Variants in ENDOD1 observed in about 807,000 individuals in gnomAD.
ENDOD1 encodes the protein endonuclease domain containing 1.
A neutral mutation model predicts 6.5 loss-of-function variants in ENDOD1; 9 were observed. The observed-to-expected ratio is 1.39, with a 90% CI of 0.84 to 2.43. ENDOD1 has a LOEUF of 2.43. Ranked by LOEUF, ENDOD1 falls within the 30% of genes most tolerant of loss-of-function variation. ENDOD1 has a pLI of 0.00. For missense variants in ENDOD1, 648 were observed against 635.5 expected, an observed-to-expected ratio of 1.02 and a Z score of -0.21; for synonymous variants, 255 against 255.2, an observed-to-expected ratio of 1.00 and a Z score of 0.01.
At chr11:95,109,144 T>G (rs568791489) in intron 1 of ENDOD1, among the ~76,000 whole-genome samples, 32 of 152,334 alleles carry the variant, frequency 2.1e-4, no homozygotes, top group Non-Finnish European at 4.0e-4. Context: ...AGCGTCTTTG[T>G]CCCCACGGAG....
rs1859307880 is a variant in ENDOD1, at chr11:95,125,903, TAC to T, written c.301-2473_301-2472del. ...ATTGTGAATAGTGCCACAGTAAACATACGTGTGCATGTGTCTTTATAGCAGCA... is the reference window on the plus strand; with the variant it reads ...ATTGTGAATAGTGCCACAGTAAACATGTGTGCATGTGTCTTTATAGCAGCA... On this transcript the variant is annotated intron_variant, in intron 1 of 1. Transcript: ENST00000278505. Among the ~76,000 whole-genome samples the T allele has an allele frequency of 2.6e-5, 4 of 152,152 alleles. No homozygotes were observed. In the South Asian group the frequency reaches 8.3e-4, roughly 32 times the overall value.
In ENDOD1 at chr11:95,096,227, C is replaced by CTTTTTTTTTTTTTTTTT. The variant is rs10660230; in HGVS notation, c.300+6009_300+6025dup. 3.2e-4 allele frequency among the ~76,000 whole-genome samples: 16 copies of CTTTTTTTTTTTTTTTTT among 49,964 alleles called. 4 individuals are homozygous for CTTTTTTTTTTTTTTTTT. Among genetic ancestry groups the CTTTTTTTTTTTTTTTTT allele is most frequent in the Non-Finnish European group, 4.0e-4 (12 of 30,062 alleles). The allele number at this position is 49,964 out of a possible 152,430, so 32.8% of individuals were successfully genotyped here. A position where few individuals can be genotyped will look rare whatever the true frequency, so the allele number is the denominator to read the frequency against. ...CTAGAATTACTGTTAGTCAAGAAAG[C>CTTTTTTTTTTTTTTTTT]TTTTTTTTTTTTTTTTTTTTTTTTT... On this transcript the variant is annotated intron_variant, in intron 1 of 1. Transcript: ENST00000278505.
chr11:95,129,669 C>T lies in ENDOD1; in HGVS notation c.*90C>T. On this transcript the variant is annotated 3_prime_UTR_variant, in exon 2 of 2. Transcript: ENST00000278505. ...TGGGTTTCTGTTCACTGTCAGTTATCATTATATTTTGGCCTTTGGTGGGGA... is the reference window on the plus strand; with the variant it reads ...TGGGTTTCTGTTCACTGTCAGTTATTATTATATTTTGGCCTTTGGTGGGGA... 6.9e-7 allele frequency: 1 copy of T among 1,449,414 alleles called. No homozygotes were observed. Among genetic ancestry groups the T allele is most frequent in the Middle Eastern group, 1.8e-4 (1 of 5,454 alleles). The allele number at this position is 1,449,414 out of a possible 1,614,324, so 89.8% of individuals were successfully genotyped here. A position where few individuals can be genotyped will look rare whatever the true frequency, so the allele number is the denominator to read the frequency against.
At chr11:95,112,493 G>A (rs1859160770) in intron 1 of ENDOD1, among the ~76,000 whole-genome samples, 1 of 152,234 alleles carries the variant, frequency 6.6e-6, no homozygotes, top group African/African-American at 2.4e-5. Flanking sequence ...AAGGGTAAAT[G>A]GGATGCAACA....
rs527831603 is a variant in ENDOD1, at chr11:95,128,927, A to C, written c.851A>C (p.Glu284Ala). ...ACAGAGAAAATGAAAAAAATCCTGGAAGTGGTTAACCAAATCCAGGATGAA... is the reference window on the plus strand; with the variant it reads ...ACAGAGAAAATGAAAAAAATCCTGGCAGTGGTTAACCAAATCCAGGATGAA... The part of the protein sequence containing the change: ...QDTEKMKKIL[E>A]VVNQIQDEER... The change falls in exon 2 of 2, where the codon GAA (glutamate) becomes GCA (alanine). Residue 284 changes from glutamate to alanine, a missense_variant. Coordinates refer to ENST00000278505, the MANE Select transcript of ENDOD1 (RefSeq NM_015036.3). 1.1e-4 allele frequency: 170 copies of C among 1,614,114 alleles called. 3 individuals are homozygous for C. In the South Asian group the frequency reaches 1.5e-3, roughly 14 times the overall value.
intron 1 of ENDOD1, among the ~76,000 whole-genome samples, chr11:95,097,082 G>C (rs1454064662): frequency 6.6e-6 from 1 of 151,596 alleles, no homozygotes; most frequent in Admixed American, 6.6e-5. Context: ...TTGGGCCTGG[G>C]AGGTAGAGGC....
chr11:95,094,666 C>T (rs1427610448), intron 1 of ENDOD1, among the ~76,000 whole-genome samples: 3 of 152,216 alleles, frequency 2.0e-5, no homozygotes, highest in Non-Finnish European at 4.4e-5. Flanking sequence ...ATGGCTTATA[C>T]AACCTGAAAC....
intron 1 of ENDOD1, among the ~76,000 whole-genome samples, chr11:95,101,336 G>GA (rs550515203): frequency 4.2e-4 from 64 of 152,172 alleles, no homozygotes; most frequent in African/African-American, 1.5e-3. Context: ...CTTAGTTTGT[G>GA]ATCAAAAAAA....
intron 1 of ENDOD1, among the ~76,000 whole-genome samples, chr11:95,109,482 G>A (rs1381954572): frequency 1.3e-5 from 2 of 152,258 alleles, no homozygotes; most frequent in Non-Finnish European, 2.9e-5. Context: ...ACTCCCTGGT[G>A]TGCAGGACCA....
chr11:95,116,525 A>G (rs1859210863), intron 1 of ENDOD1, among the ~76,000 whole-genome samples: 1 of 151,968 alleles, frequency 6.6e-6, no homozygotes, highest in South Asian at 2.1e-4. Context: ...TTCTTCTACT[A>G]ATTTTGGCTT....
intron 1 of ENDOD1, among the ~76,000 whole-genome samples, chr11:95,106,592 GAGGA>G (rs1859091345): frequency 1.3e-5 from 2 of 152,188 alleles, no homozygotes; most frequent in African/African-American, 4.8e-5. Flanking sequence ...ACCTAGGACT[GAGGA>G]AGGAAGTCCT....
chr11:95,117,236 T>G (rs576800426), intron 1 of ENDOD1, among the ~76,000 whole-genome samples: 1 of 152,244 alleles, frequency 6.6e-6, no homozygotes, highest in East Asian at 1.9e-4. Flanking sequence ...ATGGCAAACC[T>G]TGTCTCTACC....
rs1859137802 is a variant in ENDOD1, at chr11:95,110,534, C to G, written c.301-17843C>G. ...ATCCCCCTCCCTGGTACACTGGGTTCCCTTCTCTCTGACAACTCTTTTTTG... is the reference window on the plus strand; with the variant it reads ...ATCCCCCTCCCTGGTACACTGGGTTGCCTTCTCTCTGACAACTCTTTTTTG... On this transcript the variant is annotated intron_variant, in intron 1 of 1. Coordinates refer to ENST00000278505, the MANE Select transcript of ENDOD1 (RefSeq NM_015036.3). 2.0e-5 allele frequency among the ~76,000 whole-genome samples: 3 copies of G among 151,914 alleles called. No individual in the cohort carries two copies. In the South Asian group the frequency reaches 6.2e-4, roughly 32 times the overall value.
chr11:95,127,476 C>G (rs1859322650), intron 1 of ENDOD1, among the ~76,000 whole-genome samples: 4 of 152,154 alleles, frequency 2.6e-5, no homozygotes, highest in Non-Finnish European at 5.9e-5. Flanking sequence ...TTAGTTTTGC[C>G]TGATAAATAC....
intron 1 of ENDOD1, among the ~76,000 whole-genome samples, chr11:95,095,697 T>C (rs1858977277): frequency 6.6e-6 from 1 of 152,178 alleles, no homozygotes; most frequent in Admixed American, 6.5e-5. Context: ...ACTCATCTCA[T>C]CTCTATAACA....
chr11:95,097,152 T>A (rs3016306), intron 1 of ENDOD1, among the ~76,000 whole-genome samples: 3 of 138,720 alleles, frequency 2.2e-5, no homozygotes, highest in African/African-American at 2.7e-5. Flanking sequence ...AAGACCCTGT[T>A]TCAAAAAAAA....
chr11:95,097,598 G>T (rs1219235054), intron 1 of ENDOD1, among the ~76,000 whole-genome samples: 3 of 152,198 alleles, frequency 2.0e-5, no homozygotes, highest in Non-Finnish European at 4.4e-5. Context: ...GCTTCGATGT[G>T]ATCTGGCTTA....
At chr11:95,112,975 G>T (rs778074306) in intron 1 of ENDOD1, among the ~76,000 whole-genome samples, 2 of 151,670 alleles carry the variant, frequency 1.3e-5, no homozygotes, top group South Asian at 4.2e-4. Flanking sequence ...TTGGCACGTG[G>T]TCCCGTCACA....
chr11:95,091,517 C>G (rs1439756597), intron 1 of ENDOD1, among the ~76,000 whole-genome samples: 1 of 152,200 alleles, frequency 6.6e-6, no homozygotes, highest in Non-Finnish European at 1.5e-5. Context: ...AGTTTTCCAC[C>G]AGCTGCACCC....
Sources: allele counts gnomAD v4.1 joint callset (sites outside exome capture counted in the v4.1 genomes callset), GRCh38; gene constraint gnomAD v4.1.1; transcripts MANE v1.5; gene names NCBI Gene and HGNC (gene_info 2026-07-23, HGNC 2026-07-21).